The following EPHX1 variants were observed in gnomAD, a reference collection of about 807,000 sequenced individuals.
EPHX1 encodes epoxide hydrolase 1, also known as epoxide hydratase.
EPHX1 carries 40 observed loss-of-function variants against 43.2 expected under a neutral mutation model. The observed-to-expected ratio is 0.93, with a 90% CI of 0.72 to 1.21. The LOEUF is 1.21. EPHX1 is among the 50% of genes most tolerant of loss of function. The probability of loss-of-function intolerance (pLI) is 0.00; values close to 1 mark genes in which losing one functional copy is unlikely to be tolerated. For missense variants in EPHX1, 550 were observed against 570.4 expected, an observed-to-expected ratio of 0.96 and a Z score of 0.36; for synonymous variants, 221 against 226.7, an observed-to-expected ratio of 0.98 and a Z score of 0.22.
At chr1:225,842,771 A>C (rs1559026702) in intron 7 of EPHX1, among the ~76,000 whole-genome samples, 1 of 152,354 alleles carries the variant, frequency 6.6e-6, no homozygotes, top group East Asian at 1.9e-4. Context: ...GGCAGCAGGC[A>C]CCACATTATT....
rs75126131 is a variant in EPHX1 at position 225,831,546 on chromosome 1, CAAAAAA to C, written c.184-225_184-220del. The stretch of plus-strand genomic sequence containing the variant: ...TGGGCAACAGAGTGAGACCCTATCT[CAAAAAA>C]AAAAAAAGAAAAAAGAAAAAAGAAA... On this transcript the variant is annotated intron_variant, in intron 2 of 8. Coordinates refer to ENST00000272167, the MANE Select transcript of EPHX1 (RefSeq NM_001136018.4). 0.1 allele frequency among the ~76,000 whole-genome samples: 10,655 copies of C among 104,698 alleles called. 477 individuals carry two copies. The highest frequency in any genetic ancestry group is 0.2 in the South Asian group (675 of 3,406). 68.7% of individuals were successfully genotyped at this position (104,698 alleles called of 152,430 possible). A position where few individuals can be genotyped will look rare whatever the true frequency, so the allele number is the denominator to read the frequency against.
At chr1:225,818,007 G>A (rs1357031362) in intron 1 of EPHX1, among the ~76,000 whole-genome samples, 1 of 152,084 alleles carries the variant, frequency 6.6e-6, no homozygotes, top group Non-Finnish European at 1.5e-5. Context: ...CATCTTTTTA[G>A]ACCCAAAACC....
intron 1 of EPHX1, among the ~76,000 whole-genome samples, chr1:225,818,713 G>A (rs1439625103): frequency 1.3e-5 from 2 of 152,088 alleles, no homozygotes; most frequent in East Asian, 1.9e-4. Context: ...GATCACACAG[G>A]CCTTGAAGGC....
chr1:225,827,497 A>G (rs960068119), intron 1 of EPHX1, among the ~76,000 whole-genome samples: 1 of 152,200 alleles, frequency 6.6e-6, no homozygotes, highest in African/African-American at 2.4e-5. Context: ...TGCTTTGCCA[A>G]GACTATGGTT....
Position 225,839,266 on chromosome 1 carries a change from G to C in EPHX1, c.642G>C (p.Arg214=). The change falls in exon 5 of 9, where the codon CGG becomes CGC. Residue 214 remains arginine (R), a synonymous_variant. Transcript: ENST00000272167. The part of the protein sequence containing the change: ...TARIFYKLML[R]LGFQEFYIQG... ...GGATCTTTTACAAGCTGATGCTGCG[G>C]CTGGGCTTCCAGGAATTCTACATTC... 1 of 1,614,160 alleles carries C rather than the reference G, an allele frequency of 6.2e-7. No individual in the cohort carries two copies. Among genetic ancestry groups the C allele is most frequent in the East Asian group, 2.2e-5 (1 of 44,876 alleles).
At chr1:225,827,935 A>C (rs911654166) in intron 1 of EPHX1, among the ~76,000 whole-genome samples, 8 of 152,100 alleles carry the variant, frequency 5.3e-5, no homozygotes, top group African/African-American at 1.9e-4. Context: ...CCTGAGGATA[A>C]GCCTCTCTCC....
intron 3 of EPHX1, among the ~76,000 whole-genome samples, chr1:225,836,059 A>G (rs1576019609): frequency 6.6e-6 from 1 of 152,204 alleles, no homozygotes; most frequent in South Asian, 2.1e-4. Flanking sequence ...GTTAAAAAAA[A>G]AGAGATTCTA....
chr1:225,845,237 C>T lies in EPHX1; in HGVS notation c.1258C>T (p.Leu420Phe). ...GTGGGTGAGGTTCAAGTACCCAAAG[C>T]TCATCTCCTATTCCTACATGGTTCG... ...EKWVRFKYPK[L>F]ISYSYMVRGG... The change falls in exon 9 of 9, where the codon CTC (leucine) becomes TTC (phenylalanine). Residue 420 changes from leucine (L) to phenylalanine (F), a missense_variant. By Grantham distance (22) the Leu-to-Phe change is conservative. Transcript: ENST00000272167. The T allele has an allele frequency of 6.2e-7, 1 of 1,614,152 alleles. No individual in the cohort carries two copies. Among genetic ancestry groups the T allele is most frequent in the Non-Finnish European group, 8.5e-7 (1 of 1,180,042 alleles).
rs766429870 is a variant in EPHX1 at position 225,839,366 on chromosome 1, G to GGGGTGTGT, written c.722+21_722+22insGGTGTGTG. On this transcript the variant is annotated intron_variant, in intron 5 of 8. Coordinates refer to ENST00000272167, the MANE Select transcript of EPHX1 (RefSeq NM_001136018.4). ...GCCCAGGTGAGGTCACTGTTGGGGT[G>GGGGTGTGT]GTGTGTGTGTGTGTGTGTGTGTGTG... is the stretch of plus-strand genomic sequence containing the variant. 24 of 1,560,836 alleles carry GGGGTGTGT rather than the reference G, an allele frequency of 1.5e-5. No individual in the cohort carries two copies. The highest frequency in any genetic ancestry group is 8.5e-5 in the African/African-American group (6 of 70,832).
intron 1 of EPHX1, among the ~76,000 whole-genome samples, chr1:225,821,750 A>G (rs1666993127): frequency 1.3e-5 from 2 of 148,980 alleles, no homozygotes; most frequent in Admixed American, 6.7e-5. Context: ...ATTTGTGGAG[A>G]TGGGGTTTTG....
chr1:225,844,937 T>C (rs1182511774), intron 8 of EPHX1, among the ~76,000 whole-genome samples: 1 of 152,060 alleles, frequency 6.6e-6, no homozygotes, highest in Non-Finnish European at 1.5e-5. Context: ...TTAGAGGCTG[T>C]CCCATGCCCC....
chr1:225,823,850 C>T (rs555453925), intron 1 of EPHX1, among the ~76,000 whole-genome samples: 46 of 152,210 alleles, frequency 3.0e-4, no homozygotes, highest in Non-Finnish European at 5.3e-4. Context: ...GGAGTCTCCA[C>T]GGCTCCACAC....
chr1:225,818,952 G>A (rs979379217), intron 1 of EPHX1, among the ~76,000 whole-genome samples: 1 of 138,180 alleles, frequency 7.2e-6, no homozygotes, highest in African/African-American at 2.7e-5. Context: ...AAAAAGGTTT[G>A]TATGGTGGCT....
At chr1:225,810,399 G>A (rs1170236786) in intron 1 of EPHX1, 2 of 152,006 alleles carry the variant, frequency 1.3e-5, no homozygotes, top group Non-Finnish European at 2.9e-5. Context: ...AGGCGACCGC[G>A]GACTTCTCGC....
chr1:225,831,287 A>G lies in EPHX1; in HGVS notation c.184-492A>G, dbSNP rs761814547. ...AGATGAGCTGGGCGCAGTGGCTTAC[A>G]CCTGTAATCCCACCACTTTGGGAGG... On this transcript the variant is annotated intron_variant, in intron 2 of 8. Transcript: ENST00000272167. Among the ~76,000 whole-genome samples, 8 of 152,332 alleles carry G rather than the reference A, an allele frequency of 5.3e-5. No individual in the cohort carries two copies. In the South Asian group the frequency reaches 6.2e-4, roughly 12 times the overall value.
chr1:225,812,168 C>T (rs1666514534), intron 1 of EPHX1, among the ~76,000 whole-genome samples: 1 of 152,112 alleles, frequency 6.6e-6, no homozygotes, highest in African/African-American at 2.4e-5. Flanking sequence ...TGATGAGTGA[C>T]CTACTGGATA....
Position 225,839,622 on chromosome 1 carries a change from T to C in EPHX1, c.723-207T>C, listed in dbSNP as rs4149226. ...CTCTCTGCTGGACCAAGCTCTGGGATAGCCCTGAGCAGAACTCCCCAGAAA... is the reference window on the plus strand; with the variant it reads ...CTCTCTGCTGGACCAAGCTCTGGGACAGCCCTGAGCAGAACTCCCCAGAAA... On this transcript the variant is annotated intron_variant, in intron 5 of 8. Coordinates refer to ENST00000272167, the MANE Select transcript of EPHX1 (RefSeq NM_001136018.4). Among the ~76,000 whole-genome samples the C allele has an allele frequency of 0.57, 86,419 of 151,878 alleles. 25,151 individuals are homozygous for C. Among genetic ancestry groups the C allele is most frequent in the African/African-American group, 0.67 (27,714 of 41,434 alleles).
chr1:225,843,046 G>C (rs962808461), intron 7 of EPHX1, among the ~76,000 whole-genome samples: 1 of 152,222 alleles, frequency 6.6e-6, no homozygotes, highest in East Asian at 1.9e-4. Flanking sequence ...CTGGGGATGG[G>C]AAAGACAGTA....
rs141221713 is a variant in EPHX1 at position 225,845,262 on chromosome 1, G to A, written c.1283G>A (p.Arg428His). ...PKLISYSYMVRGGHFAAFEEP... is the reference protein window; with the variant it reads ...PKLISYSYMVHGGHFAAFEEP... ...CTCATCTCCTATTCCTACATGGTTC[G>A]TGGGGGCCACTTTGCGGCCTTTGAG... The change falls in exon 9 of 9, where the codon CGT becomes CAT. Residue 428 changes from arginine to histidine, a missense_variant. Transcript: ENST00000272167. The A allele has an allele frequency of 2.9e-5, 47 of 1,613,836 alleles. No individual in the cohort carries two copies. In the East Asian group the frequency reaches 3.8e-4, roughly 13 times the overall value.
Sources: allele counts gnomAD v4.1 joint callset (sites outside exome capture counted in the v4.1 genomes callset), GRCh38; gene constraint gnomAD v4.1.1; transcripts MANE v1.5; gene names NCBI Gene and HGNC (gene_info 2026-07-23, HGNC 2026-07-21).